The following LRRC4C variants were observed in gnomAD, a reference collection of about 807,000 sequenced individuals.
LRRC4C encodes leucine rich repeat containing 4C.
Under a neutral mutation model 33.6 loss-of-function variants are expected in LRRC4C, and 5 were observed. The observed-to-expected ratio is 0.15, with a 90% confidence interval of 0.08 to 0.31. The LOEUF (loss-of-function observed/expected upper bound fraction) is 0.31. Ranked by LOEUF, LRRC4C falls within the 10% of genes least tolerant of loss-of-function variation. The pLI is 1.00. For missense variants in LRRC4C, 560 were observed against 796.7 expected (o/e 0.70, Z 3.58); for synonymous variants, 329 against 302.0 (o/e 1.09, Z -0.93).
At chr11:41,354,806 A>G (rs990474585) in intron 1 of LRRC4C, among the ~76,000 whole-genome samples, 7 of 152,134 alleles carry the variant, frequency 4.6e-5, no homozygotes, top group Admixed American at 4.6e-4. Flanking sequence ...CCATATGCAG[A>G]AGTTTGAAAC....
At chr11:41,314,961 C>T (rs921700107) in intron 1 of LRRC4C, among the ~76,000 whole-genome samples, 1 of 152,124 alleles carries the variant, frequency 6.6e-6, no homozygotes, top group African/African-American at 2.4e-5. Flanking sequence ...TTTGCCATAA[C>T]TGGACTGATC....
chr11:40,349,675 T>C (rs1947299399), intron 3 of LRRC4C, among the ~76,000 whole-genome samples: 1 of 152,184 alleles, frequency 6.6e-6, no homozygotes, highest in African/African-American at 2.4e-5. Flanking sequence ...ACTGTACTAA[T>C]TTACATTCCA....
At chr11:40,173,776 T>G (rs1041573423) in intron 5 of LRRC4C, among the ~76,000 whole-genome samples, 19 of 152,232 alleles carry the variant, frequency 1.2e-4, no homozygotes, top group African/African-American at 4.6e-4. Flanking sequence ...AGTTTCTGTC[T>G]CTGGCTCTAT....
intron 3 of LRRC4C, among the ~76,000 whole-genome samples, chr11:40,576,142 C>T (rs2135594718): frequency 6.6e-6 from 1 of 152,176 alleles, no homozygotes; most frequent in East Asian, 1.9e-4. Flanking sequence ...TAAAGTAAGC[C>T]ACGACAAAGG....
At chr11:41,249,772 T>C (rs1488656739) in intron 1 of LRRC4C, among the ~76,000 whole-genome samples, 1 of 152,238 alleles carries the variant, frequency 6.6e-6, no homozygotes, top group Non-Finnish European at 1.5e-5. Context: ...TCCCTGGATC[T>C]ATCATTTTTA....
Position 40,784,285 on chromosome 11 carries a change from C to A in LRRC4C, c.-406-136007G>T, listed in dbSNP as rs189571853. ...TCACTAAGCAACTGCCCAGGTTTAC[C>A]CTACAGAAGGCTGAAGAGTTGAATT... On this transcript the variant is annotated intron_variant, in intron 2 of 6. Coordinates refer to ENST00000528697, the MANE Select transcript of LRRC4C (RefSeq NM_001258419.2). Among the ~76,000 whole-genome samples the A allele has an allele frequency of 2.0e-3, 311 of 152,178 alleles. 2 individuals carry two copies. The highest frequency in any genetic ancestry group is 7.4e-3 in the African/African-American group (306 of 41,534).
At chr11:40,976,538 C>T (rs1040457165) in intron 1 of LRRC4C, among the ~76,000 whole-genome samples, 1 of 152,154 alleles carries the variant, frequency 6.6e-6, no homozygotes, top group African/African-American at 2.4e-5. Context: ...TGAAGAAAGG[C>T]TTTAGCATGT....
chr11:40,622,484 A>C (rs1314400858), intron 3 of LRRC4C, among the ~76,000 whole-genome samples: 1 of 151,852 alleles, frequency 6.6e-6, no homozygotes, highest in East Asian at 1.9e-4. Context: ...CTTGGCTATG[A>C]AAGAAGACTG....
At chr11:41,246,082 G>T (rs1346267002) in intron 1 of LRRC4C, among the ~76,000 whole-genome samples, 1 of 152,102 alleles carries the variant, frequency 6.6e-6, no homozygotes, top group African/African-American at 2.4e-5. Flanking sequence ...TTTCACCAGG[G>T]ACCTGTCCCT....
chr11:41,334,284 T>G (rs1951382817), intron 1 of LRRC4C, among the ~76,000 whole-genome samples: 1 of 152,224 alleles, frequency 6.6e-6, no homozygotes, highest in Non-Finnish European at 1.5e-5. Flanking sequence ...CAAGAAGATT[T>G]CCTAATACCT....
At chr11:40,594,257 A>G (rs7127413) in intron 3 of LRRC4C, among the ~76,000 whole-genome samples, 3,369 of 152,330 alleles carry the variant, frequency 0.022, 141 homozygotes, top group African/African-American at 0.076. Flanking sequence ...TGTGCCCAGC[A>G]CTGTATTATG....
intron 2 of LRRC4C, among the ~76,000 whole-genome samples, chr11:40,704,365 A>C (rs539263407): frequency 1.3e-5 from 2 of 152,120 alleles, no homozygotes; most frequent in Non-Finnish European, 2.9e-5. Context: ...CAAAACAAAA[A>C]TTTACAAAGA....
intron 1 of LRRC4C, among the ~76,000 whole-genome samples, chr11:41,431,042 A>C (rs576875456): frequency 1.5e-4 from 23 of 152,248 alleles, no homozygotes; most frequent in African/African-American, 5.1e-4. Flanking sequence ...AAATGCAAAA[A>C]TTGTATTATT....
At chr11:41,315,512 A>G (rs1342695390) in intron 1 of LRRC4C, among the ~76,000 whole-genome samples, 1 of 152,180 alleles carries the variant, frequency 6.6e-6, no homozygotes, top group African/African-American at 2.4e-5. Flanking sequence ...TATCTTGCCA[A>G]CCATCAACAC....
At chr11:41,275,901 A>G (rs1474047194) in intron 1 of LRRC4C, among the ~76,000 whole-genome samples, 1 of 152,220 alleles carries the variant, frequency 6.6e-6, no homozygotes, top group African/African-American at 2.4e-5. Flanking sequence ...AAACGTATAC[A>G]CATGCATAGA....
rs1042496406 is a variant in LRRC4C at position 40,798,139 on chromosome 11, G to A, written c.-407+135496C>T. On this transcript the variant is annotated intron_variant, in intron 2 of 6. Transcript: ENST00000528697. ...CATTAGACAAAGGGCTGGAGCAGAGGTCTGCATGTGTAAGATGCTGACTTG... is the reference window on the plus strand; with the variant it reads ...CATTAGACAAAGGGCTGGAGCAGAGATCTGCATGTGTAAGATGCTGACTTG... Among the ~76,000 whole-genome samples, 30 of 152,156 alleles carry A rather than the reference G, an allele frequency of 2.0e-4. 1 individual carries two copies. Among genetic ancestry groups the A allele is most frequent in the African/African-American group, 6.8e-4 (28 of 41,430 alleles).
rs572102717 is a variant in LRRC4C, at chr11:40,365,817, G to C, written c.-269-46096C>G. 9.9e-5 allele frequency among the ~76,000 whole-genome samples: 15 copies of C among 152,060 alleles called. No individual in the cohort carries two copies. The South Asian group carries it at 1.5e-3, about 15-fold the overall frequency. On this transcript the variant is annotated intron_variant, in intron 3 of 6. Coordinates refer to ENST00000528697, the MANE Select transcript of LRRC4C (RefSeq NM_001258419.2). ...TAAAGTCCCCAAGTGGGTTGTATGA[G>C]GGATAGACCTATCTCCATTTTACTT... is the stretch of plus-strand genomic sequence containing the variant.
At position 41,266,798 on chromosome 11, in the gene LRRC4C, C is replaced by T. The variant is rs1175485673; in HGVS notation, c.-496+192633G>A. On this transcript the variant is annotated intron_variant, in intron 1 of 6. Coordinates refer to ENST00000528697, the MANE Select transcript of LRRC4C (RefSeq NM_001258419.2). ...CAGTGGCTTGTAGGAGCAAGTCTCC[C>T]TTCTCTTGTTTTCTCTGTGCTTAAT... is the stretch of plus-strand genomic sequence containing the variant. Among the ~76,000 whole-genome samples, 5 of 152,204 alleles carry T rather than the reference C, an allele frequency of 3.3e-5. No individual in the cohort carries two copies. The East Asian group carries it at 9.7e-4, about 29-fold the overall frequency.
At chr11:40,519,172 T>C (rs1955698772) in intron 3 of LRRC4C, among the ~76,000 whole-genome samples, 2 of 151,984 alleles carry the variant, frequency 1.3e-5, no homozygotes, top group African/African-American at 4.8e-5. Context: ...CAAACCACCA[T>C]GGCATGTGTA....
Sources: allele counts gnomAD v4.1 joint callset (sites outside exome capture counted in the v4.1 genomes callset), GRCh38; gene constraint gnomAD v4.1.1; transcripts MANE v1.5; gene names NCBI Gene and HGNC (gene_info 2026-07-23, HGNC 2026-07-21).